Variants in MRPS27 observed in about 807,000 individuals in gnomAD.
MRPS27 encodes mitochondrial ribosomal protein S27.
A neutral mutation model predicts 48.9 loss-of-function variants in MRPS27; 43 were observed. The observed-to-expected ratio is 0.88, with a 90% confidence interval of 0.69 to 1.13. MRPS27 has a LOEUF of 1.13. Among genes scored for constraint, MRPS27 ranks in the 50% most tolerant of loss-of-function variants. The probability of loss-of-function intolerance (pLI) is 0.00; values close to 1 mark genes in which losing one functional copy is unlikely to be tolerated. For missense variants in MRPS27, 467 were observed against 476.3 expected (o/e 0.98, Z 0.18); for synonymous variants, 188 against 171.9 (o/e 1.09, Z -0.73).
At chr5:72,249,940 CG>C (rs1194647690) in intron 4 of MRPS27, among the ~76,000 whole-genome samples, 1 of 151,946 alleles carries the variant, frequency 6.6e-6, no homozygotes, top group Admixed American at 6.6e-5. Flanking sequence ...GCTGAGATCA[CG>C]CCACTGCACT....
intron 4 of MRPS27, among the ~76,000 whole-genome samples, chr5:72,238,571 T>TG (rs1748267585): frequency 6.6e-6 from 1 of 152,140 alleles, no homozygotes; most frequent in Non-Finnish European, 1.5e-5. Context: ...TGAGTAACAG[T>TG]GATACTTCCT....
At chr5:72,257,332 A>T (rs1219689615) in intron 4 of MRPS27, among the ~76,000 whole-genome samples, 1 of 152,184 alleles carries the variant, frequency 6.6e-6, no homozygotes, top group Non-Finnish European at 1.5e-5. Flanking sequence ...CTGCCTTTGG[A>T]GGGACCACAA....
intron 7 of MRPS27, 170 bp from the exon 8 acceptor site, chr5:72,228,538 G>T: frequency 4.4e-6 from 2 of 454,684 alleles, no homozygotes; most frequent in East Asian, 6.7e-5. Context: ...AGGTACTTAC[G>T]TCAAAGAAAA....
chr5:72,288,444 C>G (rs867555894), intron 4 of MRPS27, among the ~76,000 whole-genome samples: 1 of 152,184 alleles, frequency 6.6e-6, no homozygotes, highest in African/African-American at 2.4e-5. Flanking sequence ...ATCTCCTGAC[C>G]TCGTGATCTG....
In MRPS27 at chr5:72,314,172, C is replaced by T. The variant is rs370180866; in HGVS notation, c.74-14G>A. ...GGTATCTTTTACCTGAGAAAATAGG[C>T]AATTATTTCAACACACATGGTTTTA... On this transcript the variant is annotated splice_polypyrimidine_tract_variant and intron_variant, in intron 1 of 10. Coordinates refer to ENST00000261413, the MANE Select transcript of MRPS27 (RefSeq NM_015084.3). The T allele has an allele frequency of 6.3e-7, 1 of 1,592,156 alleles. No individual in the cohort carries two copies. Among genetic ancestry groups the T allele is most frequent in the Non-Finnish European group, 8.6e-7 (1 of 1,161,272 alleles).
intron 6 of MRPS27, among the ~76,000 whole-genome samples, chr5:72,233,361 T>A (rs1263585241): frequency 6.6e-6 from 1 of 152,128 alleles, no homozygotes; most frequent in Non-Finnish European, 1.5e-5. Context: ...GAAAATCAAG[T>A]CAAACAATTT....
rs1256833780 is a variant in MRPS27 at position 72,221,103 on chromosome 5, C to A, written c.1051G>T (p.Gly351Cys). 3 of 1,614,008 alleles carry A rather than the reference C, an allele frequency of 1.9e-6. No individual in the cohort carries two copies. In the African/African-American group the frequency reaches 4.0e-5, roughly 22 times the overall value. The change falls in exon 11 of 11, where the codon GGT becomes TGT. Residue 351 changes from glycine to cysteine, a missense_variant. Physicochemically the swap from Gly to Cys is radical, Grantham distance 159. Transcript: ENST00000261413. ...AGCTGGGTGGTCAGACTTAAAAGAC[C>A]TTCTGACTCAATTTTGCCCAGAGCT... is the stretch of plus-strand genomic sequence containing the variant. ...LQALGKIESE[G>C]LLSLTTQLVK...
intron 4 of MRPS27, among the ~76,000 whole-genome samples, chr5:72,244,806 A>G (rs1413240066): frequency 6.6e-6 from 1 of 152,086 alleles, no homozygotes; most frequent in Non-Finnish European, 1.5e-5. Context: ...CTCCTATCTT[A>G]AAGATGACAT....
At chr5:72,302,206 C>A (rs2112073030) in intron 2 of MRPS27, among the ~76,000 whole-genome samples, 1 of 152,332 alleles carries the variant, frequency 6.6e-6, no homozygotes, top group East Asian at 1.9e-4. Context: ...TATTAACGAT[C>A]TCAGAATATA....
chr5:72,318,001 A>G (rs1750606181), intron 1 of MRPS27, among the ~76,000 whole-genome samples: 1 of 152,200 alleles, frequency 6.6e-6, no homozygotes, highest in Non-Finnish European at 1.5e-5. Flanking sequence ...TACATAAACT[A>G]CACTAACACT....
chr5:72,229,948 T>A (rs1008668258), intron 7 of MRPS27, among the ~76,000 whole-genome samples: 2 of 152,188 alleles, frequency 1.3e-5, no homozygotes, highest in Non-Finnish European at 2.9e-5. Context: ...TGCAGTGGTG[T>A]GATCACAGCT....
At chr5:72,239,098 G>A (rs1748284736) in intron 4 of MRPS27, among the ~76,000 whole-genome samples, 1 of 152,024 alleles carries the variant, frequency 6.6e-6, no homozygotes, top group Non-Finnish European at 1.5e-5. Flanking sequence ...CAATCGCTGG[G>A]CTCCACAAAA....
chr5:72,297,706 T>C lies in MRPS27; in HGVS notation c.152-4A>G. The stretch of plus-strand genomic sequence containing the variant: ...TCCATTAAAGATGCAAGATCAGCTG[T>C]GAAGACAAAAAAAGAAAAAAAACCT... On this transcript the variant is annotated splice_region_variant and splice_polypyrimidine_tract_variant and intron_variant, in intron 2 of 10. Transcript: ENST00000261413. The C allele has an allele frequency of 1.3e-6, 2 of 1,565,596 alleles. No individual in the cohort carries two copies. Among genetic ancestry groups the C allele is most frequent in the South Asian group, 1.2e-5 (1 of 80,072 alleles).
chr5:72,320,000 C>A (rs879131496), intron 1 of MRPS27, 149 bp downstream of exon 1: 4 of 739,360 alleles, frequency 5.4e-6, no homozygotes, highest in Non-Finnish European at 6.9e-6. Flanking sequence ...GATCAGATAC[C>A]TTGTCTCCTT....
chr5:72,316,366 GTTGTTTCT>G (rs1480539899), intron 1 of MRPS27, among the ~76,000 whole-genome samples: 1 of 152,080 alleles, frequency 6.6e-6, no homozygotes, highest in African/African-American at 2.4e-5. Context: ...TACTGCATTT[GTTGTTTCT>G]TTGTTTGTTT....
chr5:72,278,348 C>A (rs186454705), intron 4 of MRPS27, among the ~76,000 whole-genome samples: 1,649 of 149,272 alleles, frequency 0.011, 27 homozygotes, highest in African/African-American at 0.039. Context: ...GAGGCTGAGG[C>A]AGGAGAATGG....
intron 2 of MRPS27, among the ~76,000 whole-genome samples, chr5:72,300,276 C>G (rs1305700500): frequency 6.6e-6 from 1 of 152,114 alleles, no homozygotes; most frequent in Non-Finnish European, 1.5e-5. Context: ...GCAGGATCTC[C>G]TCTTCTTGAC....
At chr5:72,307,714 T>C (rs978308505) in intron 2 of MRPS27, among the ~76,000 whole-genome samples, 1 of 151,950 alleles carries the variant, frequency 6.6e-6, no homozygotes, top group Non-Finnish European at 1.5e-5. Flanking sequence ...AGGATACCGG[T>C]TACCTTTGGA....
chr5:72,271,263 T>C (rs1206065829), intron 4 of MRPS27, among the ~76,000 whole-genome samples: 2 of 152,142 alleles, frequency 1.3e-5, no homozygotes. Flanking sequence ...ATTACTAGCA[T>C]GAATAAGTGA....
Sources: allele counts gnomAD v4.1 joint callset (sites outside exome capture counted in the v4.1 genomes callset), GRCh38; gene constraint gnomAD v4.1.1; transcripts MANE v1.5; gene names NCBI Gene and HGNC (gene_info 2026-07-23, HGNC 2026-07-21).